The following EYS variants were observed in gnomAD, a reference collection of about 807,000 sequenced individuals.
EYS encodes the protein protein eyes shut homolog.
EYS carries 250 observed loss-of-function variants against 282.1 expected under a neutral mutation model. The ratio of observed to expected loss-of-function variants is 0.89; its 90% CI spans 0.80 to 0.98. The LOEUF (loss-of-function observed/expected upper bound fraction) is 0.98. Ranked by LOEUF, EYS falls within the 50% of genes least tolerant of loss-of-function variation. The pLI, the probability that EYS is intolerant of heterozygous loss-of-function variation, is 0.00. For synonymous variants in EYS, 1,355 were observed against 1,282.9 expected (o/e 1.06, Z -1.20); for missense variants, 4,016 against 3,709.0 (o/e 1.08, Z -2.15).
intron 22 of EYS, among the ~76,000 whole-genome samples, chr6:64,806,674 C>A (rs1764439018): frequency 6.6e-6 from 1 of 151,040 alleles, no homozygotes; most frequent in Non-Finnish European, 1.5e-5. Context: ...TGAAACACTT[C>A]AAAAATATGG....
intron 2 of EYS, among the ~76,000 whole-genome samples, chr6:65,568,268 A>G (rs1764353094): frequency 6.6e-6 from 1 of 150,660 alleles, no homozygotes; most frequent in Non-Finnish European, 1.5e-5. Flanking sequence ...AACCTGTTTT[A>G]CCAGAATCTG....
intron 2 of EYS, among the ~76,000 whole-genome samples, chr6:65,627,000 C>T (rs1217767343): frequency 1.4e-5 from 2 of 138,924 alleles, no homozygotes; most frequent in Non-Finnish European, 3.0e-5. Flanking sequence ...GCCTGCCTTT[C>T]TTTCTCTCTC....
Position 64,590,876 on chromosome 6 carries a change from G to C in EYS, c.4991C>G (p.Thr1664Ser). 1 of 1,550,220 alleles carries C rather than the reference G, an allele frequency of 6.5e-7. No individual in the cohort carries two copies. ...TTGTGAAGGGACAATGGATAAACAA[G>C]TCTTATCCAAACATAAATTAACATC... is the stretch of plus-strand genomic sequence containing the variant. ...NLDVNLCLDK[T>S]CLSIVPSQTI... The change falls in exon 26 of 43, where the codon ACT becomes AGT. Residue 1664 changes from threonine to serine, a missense_variant. Thr to Ser is a moderately conservative substitution (Grantham distance 58, BLOSUM62 1). Coordinates refer to ENST00000503581, the MANE Select transcript of EYS (RefSeq NM_001142800.2).
intron 1 of EYS, among the ~76,000 whole-genome samples, chr6:65,693,746 T>A (rs1301951906): frequency 1.3e-5 from 2 of 149,996 alleles, no homozygotes; most frequent in Admixed American, 6.7e-5. Context: ...TGAATTTTTT[T>A]AAAAAGACAT....
chr6:64,027,030 T>A (rs971879570), intron 33 of EYS, among the ~76,000 whole-genome samples: 2 of 152,164 alleles, frequency 1.3e-5, no homozygotes, highest in African/African-American at 4.8e-5. Flanking sequence ...ATGAAAAGAA[T>A]GCGGCTTTAG....
chr6:64,192,710 C>T (rs1765153423), intron 31 of EYS, among the ~76,000 whole-genome samples: 1 of 152,122 alleles, frequency 6.6e-6, no homozygotes, highest in Admixed American at 6.5e-5. Flanking sequence ...AAACGTTAGA[C>T]CTAAAACCAT....
At chr6:63,973,929 T>C (rs371722545) in intron 35 of EYS, among the ~76,000 whole-genome samples, 35 of 151,418 alleles carry the variant, frequency 2.3e-4, no homozygotes, top group East Asian at 1.8e-3. Flanking sequence ...AGCAGTTTTC[T>C]TAAGGTACAA....
At chr6:64,783,311 A>C (rs1472521771) in intron 22 of EYS, among the ~76,000 whole-genome samples, 1 of 150,990 alleles carries the variant, frequency 6.6e-6, no homozygotes, top group African/African-American at 2.5e-5. Flanking sequence ...ATACATATAC[A>C]TATCCTATAT....
intron 35 of EYS, among the ~76,000 whole-genome samples, chr6:63,928,347 A>G (rs1026626771): frequency 4.6e-5 from 7 of 152,204 alleles, no homozygotes; most frequent in African/African-American, 1.7e-4. Flanking sequence ...ATTGCCTAGG[A>G]TTACATTAGA....
intron 22 of EYS, among the ~76,000 whole-genome samples, chr6:64,809,983 T>G (rs865967213): frequency 6.6e-6 from 1 of 152,058 alleles, no homozygotes; most frequent in Non-Finnish European, 1.5e-5. Context: ...TTGAAAATGT[T>G]GAAATTTTTA....
chr6:65,549,849 G>A lies in EYS; in HGVS notation c.-332-53856C>T, dbSNP rs369809047. Among the ~76,000 whole-genome samples, 10 of 152,162 alleles carry A rather than the reference G, an allele frequency of 6.6e-5. No individual in the cohort carries two copies. In the East Asian group the frequency reaches 1.7e-3, roughly 26 times the overall value. On this transcript the variant is annotated intron_variant, in intron 2 of 42. Coordinates refer to ENST00000503581, the MANE Select transcript of EYS (RefSeq NM_001142800.2). ...TTCCTGATCTGGTTCAATGGCTGCCGCCCATTGGCCAGAACAGTTACAGAT... is the reference window on the plus strand; with the variant it reads ...TTCCTGATCTGGTTCAATGGCTGCCACCCATTGGCCAGAACAGTTACAGAT...
chr6:65,169,626 T>A (rs969975988), intron 12 of EYS, among the ~76,000 whole-genome samples: 1 of 151,396 alleles, frequency 6.6e-6, no homozygotes, highest in Non-Finnish European at 1.5e-5. Context: ...ATGTAAAAAA[T>A]TAAACATAAG....
rs748732292 is a variant in EYS at position 63,840,209 on chromosome 6, A to AGCTTATTAT, written c.7228+23976_7228+23977insATAATAAGC. 2.1e-3 allele frequency among the ~76,000 whole-genome samples: 128 copies of AGCTTATTAT among 60,604 alleles called. 1 individual carries two copies. Among genetic ancestry groups the AGCTTATTAT allele is most frequent in the East Asian group, 1.0e-2 (23 of 2,306 alleles). The allele number at this position is 60,604 out of a possible 152,430, so 39.8% of individuals were successfully genotyped here. On this transcript the variant is annotated intron_variant, in intron 36 of 42. Transcript: ENST00000503581. ...ACTACAGTTGCCTGCCACCATGCCC[A>AGCTTATTAT]TCTTATTATTATTATTATTATTATT... is the stretch of plus-strand genomic sequence containing the variant.
intron 26 of EYS, among the ~76,000 whole-genome samples, chr6:64,523,034 T>G (rs994134656): frequency 2.7e-5 from 4 of 150,656 alleles, no homozygotes; most frequent in African/African-American, 9.9e-5. Flanking sequence ...TCATTTTAGT[T>G]AAGGTTTATG....
intron 12 of EYS, among the ~76,000 whole-genome samples, chr6:65,153,432 G>A (rs1460676223): frequency 6.8e-6 from 1 of 147,598 alleles, no homozygotes; most frequent in Non-Finnish European, 1.5e-5. Flanking sequence ...TAAATGCGTG[G>A]TAATATTTTT....
rs891588626 is a variant in EYS, at chr6:63,726,462, ATTACT to A, written c.8233+52_8233+56del. ...CTAGGTGACACAAACACTATCATAC[ATTACT>A]TAATAGACTATTAGGAATTCATTCT... On this transcript the variant is annotated intron_variant, in intron 42 of 42. Transcript: ENST00000503581. The A allele has an allele frequency of 3.5e-6, 5 of 1,427,362 alleles. No individual in the cohort carries two copies. The African/African-American group carries it at 4.3e-5, about 12-fold the overall frequency. The allele number at this position is 1,427,362 out of a possible 1,614,324, so 88.4% of individuals were successfully genotyped here.
intron 2 of EYS, among the ~76,000 whole-genome samples, chr6:65,562,693 T>C (rs184872116): frequency 3.9e-5 from 6 of 152,194 alleles, no homozygotes; most frequent in East Asian, 1.9e-4. Context: ...ATATGACTTA[T>C]ATATAATTAG....
intron 19 of EYS, among the ~76,000 whole-genome samples, chr6:64,850,603 C>A (rs1765852730): frequency 6.6e-6 from 1 of 151,842 alleles, no homozygotes; most frequent in African/African-American, 2.4e-5. Context: ...AAAAGTGTTA[C>A]AGTATTAGAT....
intron 12 of EYS, among the ~76,000 whole-genome samples, chr6:65,193,983 C>T (rs538381758): frequency 6.6e-6 from 1 of 151,932 alleles, no homozygotes; most frequent in South Asian, 2.1e-4. Flanking sequence ...GAAAAAATTG[C>T]CTTTCCTTAT....
Sources: gnomAD v4.1 joint callset for allele counts (sites outside exome capture counted in the v4.1 genomes callset) on GRCh38, gnomAD v4.1.1 for gene constraint, MANE v1.5 for transcripts, NCBI Gene and HGNC (gene_info 2026-07-23, HGNC 2026-07-21) for gene names.